C9orf43: variants seen among roughly 807,000 people sequenced by gnomAD.
C9orf43 encodes chromosome 9 open reading frame 43.
Under a neutral mutation model 59.1 loss-of-function variants are expected in C9orf43, and 45 were observed. The observed-to-expected ratio is 0.76, with a 90% confidence interval of 0.60 to 0.98. The LOEUF (loss-of-function observed/expected upper bound fraction) is 0.98. C9orf43 is among the 50% of genes least tolerant of loss of function. C9orf43 has a pLI of 0.00. For synonymous variants in C9orf43, 203 were observed against 196.8 expected (o/e 1.03, Z -0.26); for missense variants, 533 against 554.9 (o/e 0.96, Z 0.40).
At chr9:113,418,963 G>A in intron 3 of C9orf43, 145 bp from the exon 4 acceptor site, 1 of 597,040 alleles carries the variant, frequency 1.7e-6, no homozygotes, top group Admixed American at 3.5e-5. Flanking sequence ...AAAACTTAAG[G>A]ATATGGTGAG....
intron 9 of C9orf43, 56 bp from the exon 10 acceptor site, chr9:113,425,288 C>A: frequency 1.9e-6 from 3 of 1,607,760 alleles, no homozygotes; most frequent in Non-Finnish European, 2.6e-6. Flanking sequence ...AGCAGGCATT[C>A]CAGTGGGAGA....
rs571060977 is a variant in C9orf43 at position 113,418,807 on chromosome 9, CTTAATA to C, written c.288-296_288-291del. 7.5e-3 allele frequency among the ~76,000 whole-genome samples: 1,146 copies of C among 152,234 alleles called. 12 individuals are homozygous for C. Among genetic ancestry groups the C allele is most frequent in the African/African-American group, 0.026 (1,071 of 41,544 alleles). The stretch of plus-strand genomic sequence containing the variant: ...TATTTTGAACATCTACATCAAAGTA[CTTAATA>C]TTAACTTTCATTGATGGTGATATAA... On this transcript the variant is annotated intron_variant, in intron 3 of 13. Coordinates refer to ENST00000374165, the MANE Select transcript of C9orf43 (RefSeq NM_001278629.2).
chr9:113,428,669 G>C lies in C9orf43; in HGVS notation c.1108-231G>C, dbSNP rs149600087. On this transcript the variant is annotated intron_variant, in intron 12 of 13. Transcript: ENST00000374165. Reference sequence around the variant, plus strand: ...GGAGGAATTGTTGGAAGCCATCTTTGGAGGCCGTCTGCCCTTAGTTGACTG... The same window carrying C: ...GGAGGAATTGTTGGAAGCCATCTTTCGAGGCCGTCTGCCCTTAGTTGACTG... 3.9e-3 allele frequency among the ~76,000 whole-genome samples: 589 copies of C among 152,226 alleles called. 3 individuals are homozygous for C. The highest frequency in any genetic ancestry group is 6.6e-3 in the Non-Finnish European group (450 of 68,014).
intron 5 of C9orf43, among the ~76,000 whole-genome samples, chr9:113,421,825 A>C (rs560737082): frequency 1.8e-4 from 28 of 152,218 alleles, no homozygotes; most frequent in Middle Eastern, 3.4e-3. Context: ...GCTTCTCTCT[A>C]TATATATGCA....
chr9:113,428,148 T>C lies in C9orf43; in HGVS notation c.1032T>C (p.Gly344=). The C allele has an allele frequency of 1.2e-6, 2 of 1,614,146 alleles. No homozygotes were observed. Among genetic ancestry groups the C allele is most frequent in the Non-Finnish European group, 1.7e-6 (2 of 1,179,998 alleles). The change falls in exon 12 of 14, where the codon GGT becomes GGC. Residue 344 remains glycine, a splice_region_variant and synonymous_variant. Transcript: ENST00000374165. ...TTGAATGGACTCTTTGGTTACTAGG[T>C]TACAGAACTCTGCCAGGTCAGAACA... ...PVTTVHDRLY[G]YRTLPGQNSD...
rs200435793 is a variant in C9orf43, at chr9:113,424,132, T to A, written c.657-34T>A. ...AGCCATGCTTTCCGGGAAGAGCTGT[T>A]GCTGACTGTCTGGCTGTCCTCTGTC... On this transcript the variant is annotated intron_variant, in intron 7 of 13. Transcript: ENST00000374165. The A allele has an allele frequency of 2.9e-4, 445 of 1,552,788 alleles. 1 individual carries two copies. The highest frequency in any genetic ancestry group is 5.4e-5 in the Non-Finnish European group (62 of 1,154,794).
chr9:113,427,771 G>A (rs1449211659), intron 11 of C9orf43, among the ~76,000 whole-genome samples: 1 of 152,208 alleles, frequency 6.6e-6, no homozygotes, highest in Non-Finnish European at 1.5e-5. Context: ...TGATGCAAAA[G>A]AAACATAAAA....
At chr9:113,420,651 C>A in intron 4 of C9orf43, 1 of 540,510 alleles carries the variant, frequency 1.9e-6, no homozygotes, top group Non-Finnish European at 2.4e-6. Flanking sequence ...TAGCCTTTGA[C>A]TTTTATATAA....
intron 6 of C9orf43, among the ~76,000 whole-genome samples, chr9:113,422,938 T>C (rs1164194014): frequency 6.6e-6 from 1 of 152,190 alleles, no homozygotes; most frequent in African/African-American, 2.4e-5. Context: ...TTGTACCATT[T>C]ATGAGTAAAT....
intron 5 of C9orf43, among the ~76,000 whole-genome samples, chr9:113,421,479 A>G (rs1241330108): frequency 1.3e-5 from 2 of 151,858 alleles, no homozygotes; most frequent in Admixed American, 6.6e-5. Flanking sequence ...AGGCTTGACT[A>G]AGAAATAAAT....
chr9:113,418,320 C>T (rs1200797733), intron 3 of C9orf43, among the ~76,000 whole-genome samples: 1 of 152,182 alleles, frequency 6.6e-6, no homozygotes, highest in Non-Finnish European at 1.5e-5. Context: ...AATTACACAA[C>T]ATTTGTCCTT....
chr9:113,415,056 T>A (rs527813156), intron 3 of C9orf43, among the ~76,000 whole-genome samples: 1 of 152,320 alleles, frequency 6.6e-6, no homozygotes, highest in South Asian at 2.1e-4. Flanking sequence ...GGTCTCAAAC[T>A]CGTGACCTCA....
chr9:113,424,710 G>A (rs1828718350), intron 8 of C9orf43, among the ~76,000 whole-genome samples: 1 of 151,890 alleles, frequency 6.6e-6, no homozygotes, highest in Non-Finnish European at 1.5e-5. Context: ...ATTTTTTGTA[G>A]AGACAGGGTC....
rs769698933 is a variant in C9orf43 at position 113,429,257 on chromosome 9, AAAG to A, written c.1262_1264del (p.Lys421del). 4.1e-5 allele frequency: 66 copies of A among 1,614,114 alleles called. No individual in the cohort carries two copies. Among genetic ancestry groups the A allele is most frequent in the Admixed American group, 5.0e-5 (3 of 60,014 alleles). On this transcript the variant is annotated inframe_deletion, in exon 14 of 14. Coordinates refer to ENST00000374165, the MANE Select transcript of C9orf43 (RefSeq NM_001278629.2). ...TGCCAGAAGCCCAGGCTGCCAGGCAAAAGAAGATCTCCTTTAACTTTTCAGAAA... is the reference window on the plus strand; with the variant it reads ...TGCCAGAAGCCCAGGCTGCCAGGCAAAAGATCTCCTTTAACTTTTCAGAAA...
intron 3 of C9orf43, among the ~76,000 whole-genome samples, chr9:113,414,590 C>T (rs1471994136): frequency 6.6e-6 from 1 of 152,086 alleles, no homozygotes; most frequent in Non-Finnish European, 1.5e-5. Flanking sequence ...GAGCCCCTCT[C>T]CCTATGTGTT....
intron 3 of C9orf43, among the ~76,000 whole-genome samples, chr9:113,414,440 A>G (rs1350592350): frequency 6.6e-6 from 1 of 150,438 alleles, no homozygotes; most frequent in Non-Finnish European, 1.5e-5. Context: ...ACGCCTGGTT[A>G]ATTTTTTTTT....
rs1828698267 is a variant in C9orf43 at position 113,424,261 on chromosome 9, C to T, written c.752C>T (p.Pro251Leu). Residue 251 changes from proline to leucine, a missense_variant, in exon 8 of 14, where the codon CCT becomes CTT. Transcript: ENST00000374165. ...AATCTTCCCTTGGAAAAGAACCGAC[C>T]TGACAGTGTGATTTCTTCTAAGATG... ...KKNLPLEKNRPDSVISSKMFL... is the reference protein window; with the variant it reads ...KKNLPLEKNRLDSVISSKMFL... 6.2e-7 allele frequency: 1 copy of T among 1,613,954 alleles called. No individual in the cohort carries two copies. The highest frequency in any genetic ancestry group is 1.1e-5 in the South Asian group (1 of 91,082).
intron 9 of C9orf43, 114 bp downstream of exon 9, chr9:113,425,190 A>C: frequency 7.0e-7 from 1 of 1,429,796 alleles, no homozygotes; most frequent in Non-Finnish European, 9.8e-7. Context: ...ATACAGGGTC[A>C]CATGTAGAAC....
At chr9:113,411,412 C>A (rs1186437264) in intron 1 of C9orf43, among the ~76,000 whole-genome samples, 1 of 151,830 alleles carries the variant, frequency 6.6e-6, no homozygotes, top group East Asian at 1.9e-4. Context: ...CATTCTCCTA[C>A]CTCAGCCTCC....
Sources: allele counts gnomAD v4.1 joint callset (sites outside exome capture counted in the v4.1 genomes callset), GRCh38; gene constraint gnomAD v4.1.1; transcripts MANE v1.5; gene names NCBI Gene and HGNC (gene_info 2026-07-23, HGNC 2026-07-21).